Variants in TEC observed in about 807,000 individuals in gnomAD.
TEC encodes the protein tyrosine-protein kinase Tec.
In TEC, 72 loss-of-function variants were observed where a neutral mutation model predicts 93.0. That is an observed-to-expected ratio of 0.77 (90% CI 0.64 to 0.94). The LOEUF (loss-of-function observed/expected upper bound fraction) is 0.94. TEC is among the 40% of genes least tolerant of loss of function. The probability of loss-of-function intolerance (pLI) is 0.00; values close to 1 mark genes in which losing one functional copy is unlikely to be tolerated. For missense variants in TEC, 630 were observed against 757.9 expected, an observed-to-expected ratio of 0.83 and a Z score of 1.98; for synonymous variants, 249 against 247.7, an observed-to-expected ratio of 1.01 and a Z score of -0.05.
chr4:48,214,503 T>A (rs1331763047), intron 2 of TEC, among the ~76,000 whole-genome samples: 1 of 152,220 alleles, frequency 6.6e-6, no homozygotes, highest in Non-Finnish European at 1.5e-5. Context: ...GTAGAAACCA[T>A]ACTTCATGTA....
intron 1 of TEC, among the ~76,000 whole-genome samples, chr4:48,234,128 G>C (rs1358712954): frequency 6.6e-6 from 1 of 152,154 alleles, no homozygotes; most frequent in Non-Finnish European, 1.5e-5. Context: ...TAATGCCAGA[G>C]AGTAGAAGAC....
At chr4:48,205,182 C>T (rs66944352) in intron 2 of TEC, among the ~76,000 whole-genome samples, 17,281 of 152,224 alleles carry the variant, frequency 0.11, 1,070 homozygotes, top group East Asian at 0.22. Context: ...AATGTTATAT[C>T]CCTTTCTCTT....
At chr4:48,232,405 T>C (rs1034789988) in intron 1 of TEC, among the ~76,000 whole-genome samples, 6 of 152,190 alleles carry the variant, frequency 3.9e-5, no homozygotes, top group Non-Finnish European at 8.8e-5. Flanking sequence ...ACCATCTATC[T>C]CCCTCAAGAA....
At chr4:48,156,093 G>A (rs946014263) in intron 9 of TEC, among the ~76,000 whole-genome samples, 4 of 152,122 alleles carry the variant, frequency 2.6e-5, no homozygotes, top group African/African-American at 9.7e-5. Context: ...ACATACTGGG[G>A]ACACCACTGC....
At chr4:48,262,345 TGCCACCAG>T (rs1412186869) in intron 1 of TEC, among the ~76,000 whole-genome samples, 16 of 151,734 alleles carry the variant, frequency 1.1e-4, no homozygotes, top group Non-Finnish European at 2.2e-4. Flanking sequence ...TACAGGCACG[TGCCACCAG>T]GCCCACCTAA....
rs184211792 is a variant in TEC at position 48,136,801 on chromosome 4, G to A, written c.*615C>T. On this transcript the variant is annotated 3_prime_UTR_variant, in exon 18 of 18. Transcript: ENST00000381501. Reference sequence around the variant, plus strand: ...AAAAGTTTCAATTAAAAGACAATTCGTGTTTCTCATAAATATATAACTTTA... The same window carrying A: ...AAAAGTTTCAATTAAAAGACAATTCATGTTTCTCATAAATATATAACTTTA... 10 of 151,782 alleles carry A rather than the reference G, an allele frequency of 6.6e-5. No homozygotes were observed. In the East Asian group the frequency reaches 7.7e-4, roughly 12 times the overall value. 9.4% of individuals were successfully genotyped at this position (151,782 alleles called of 1,614,324 possible). A position where few individuals can be genotyped will look rare whatever the true frequency, so the allele number is the denominator to read the frequency against.
At position 48,136,702 on chromosome 4, in the gene TEC, C is replaced by T. The variant is rs1719437890; in HGVS notation, c.*714G>A. The T allele has an allele frequency of 6.6e-6, 1 of 152,010 alleles. No individual in the cohort carries two copies. Among genetic ancestry groups the T allele is most frequent in the Admixed American group, 6.5e-5 (1 of 15,270 alleles). The allele number at this position is 152,010 out of a possible 1,614,324, so 9.4% of individuals were successfully genotyped here. A position where few individuals can be genotyped will look rare whatever the true frequency, so the allele number is the denominator to read the frequency against. The stretch of plus-strand genomic sequence containing the variant: ...CTTCTCTTCAGGCATATTTGATGTT[C>T]AGGGGGAAATGAATTAACAGCTATA... On this transcript the variant is annotated 3_prime_UTR_variant, in exon 18 of 18. Coordinates refer to ENST00000381501, the MANE Select transcript of TEC (RefSeq NM_003215.3).
chr4:48,268,828 T>C (rs1331067962), intron 1 of TEC, among the ~76,000 whole-genome samples: 1 of 152,250 alleles, frequency 6.6e-6, no homozygotes, highest in African/African-American at 2.4e-5. Context: ...GCCATCCTGT[T>C]GTTCCAAGTT....
At chr4:48,157,483 C>G (rs527886571) in intron 8 of TEC, among the ~76,000 whole-genome samples, 1 of 152,302 alleles carries the variant, frequency 6.6e-6, no homozygotes, top group East Asian at 1.9e-4. Context: ...TTTCCACCAC[C>G]CTGTGCCACA....
At chr4:48,269,144 T>A (rs140963011) in intron 1 of TEC, among the ~76,000 whole-genome samples, 1 of 152,252 alleles carries the variant, frequency 6.6e-6, no homozygotes, top group East Asian at 1.9e-4. Flanking sequence ...TGAACTTCAC[T>A]GGGTGAGTCA....
At chr4:48,216,008 T>A (rs1466670804) in intron 2 of TEC, among the ~76,000 whole-genome samples, 6 of 152,190 alleles carry the variant, frequency 3.9e-5, no homozygotes, top group African/African-American at 1.2e-4. Context: ...AATTGCATGA[T>A]TCCTCCTTAT....
intron 2 of TEC, among the ~76,000 whole-genome samples, chr4:48,192,981 C>T (rs1722143754): frequency 6.6e-6 from 1 of 152,092 alleles, no homozygotes; most frequent in African/African-American, 2.4e-5. Context: ...CAGAGCCTGG[C>T]ACCTGGCAAC....
At chr4:48,250,924 T>TCA (rs1724182543) in intron 1 of TEC, among the ~76,000 whole-genome samples, 1 of 152,210 alleles carries the variant, frequency 6.6e-6, no homozygotes, top group African/African-American at 2.4e-5. Context: ...GACTGTTTGT[T>TCA]ACACAGGATT....
At chr4:48,154,456 T>C (rs576025754) in intron 9 of TEC, among the ~76,000 whole-genome samples, 4 of 152,308 alleles carry the variant, frequency 2.6e-5, no homozygotes, top group African/African-American at 9.6e-5. Flanking sequence ...AGAATTACAA[T>C]AGTAGTTAGT....
intron 7 of TEC, among the ~76,000 whole-genome samples, chr4:48,164,966 G>T (rs1720822115): frequency 1.3e-5 from 2 of 151,972 alleles, no homozygotes; most frequent in Admixed American, 1.3e-4. Flanking sequence ...TCACGCCACT[G>T]CACTCCAGCA....
At chr4:48,197,225 GT>G (rs1013827229) in intron 2 of TEC, among the ~76,000 whole-genome samples, 4 of 152,198 alleles carry the variant, frequency 2.6e-5, no homozygotes, top group African/African-American at 9.7e-5. Context: ...CAGTACAATG[GT>G]TCAGAGCTCT....
chr4:48,235,784 G>A (rs1560420789), intron 1 of TEC, among the ~76,000 whole-genome samples: 2 of 152,124 alleles, frequency 1.3e-5, no homozygotes, highest in East Asian at 3.8e-4. Flanking sequence ...TCATTATTAA[G>A]CTTTTACTAC....
intron 1 of TEC, among the ~76,000 whole-genome samples, chr4:48,234,017 CTT>C (rs2109647149): frequency 6.6e-6 from 1 of 152,212 alleles, no homozygotes; most frequent in East Asian, 1.9e-4. Flanking sequence ...TAAGGCAACT[CTT>C]GTAAAATTTC....
chr4:48,225,984 T>C (rs1723447903), intron 2 of TEC, among the ~76,000 whole-genome samples: 1 of 152,118 alleles, frequency 6.6e-6, no homozygotes, highest in Non-Finnish European at 1.5e-5. Flanking sequence ...TTTTCTGTGT[T>C]GTGACTACCT....
Sources: gnomAD v4.1 joint callset for allele counts (sites outside exome capture counted in the v4.1 genomes callset) on GRCh38, gnomAD v4.1.1 for gene constraint, MANE v1.5 for transcripts, NCBI Gene and HGNC (gene_info 2026-07-23, HGNC 2026-07-21) for gene names.